The following ACVR2A variants were observed in gnomAD, a reference collection of about 807,000 sequenced individuals.
ACVR2A encodes activin A receptor type 2A.
ACVR2A carries 7 observed loss-of-function variants against 61.4 expected under a neutral mutation model. That is an observed-to-expected ratio of 0.11 (90% CI 0.06 to 0.21). The LOEUF (loss-of-function observed/expected upper bound fraction) is 0.21, where lower values mean the gene tolerates loss of function less well. ACVR2A is among the 10% of genes least tolerant of loss of function. The probability of loss-of-function intolerance (pLI) is 1.00; values close to 1 mark genes in which losing one functional copy is unlikely to be tolerated. For synonymous variants in ACVR2A, 193 were observed against 208.3 expected, an observed-to-expected ratio of 0.93 and a Z score of 0.63; for missense variants, 322 against 621.7, an observed-to-expected ratio of 0.52 and a Z score of 5.13.
intron 1 of ACVR2A, among the ~76,000 whole-genome samples, chr2:147,857,898 G>T (rs1044099222): frequency 1.3e-5 from 2 of 151,982 alleles, no homozygotes; most frequent in Non-Finnish European, 2.9e-5. Context: ...TGTGTCATGG[G>T]GGTTTGTTTT....
chr2:147,899,921 G>C (rs779048102), intron 4 of ACVR2A, 23 bp downstream of exon 4: 3 of 1,608,926 alleles, frequency 1.9e-6, no homozygotes, highest in South Asian at 2.2e-5. Flanking sequence ...CCTGTACTTT[G>C]TAGTGTTTTA....
At chr2:147,846,012 A>G (rs1204174702) in intron 1 of ACVR2A, among the ~76,000 whole-genome samples, 1 of 152,192 alleles carries the variant, frequency 6.6e-6, no homozygotes, top group Non-Finnish European at 1.5e-5. Flanking sequence ...TTTTAGCTCA[A>G]GGTTGGGGGA....
intron 4 of ACVR2A, among the ~76,000 whole-genome samples, chr2:147,904,125 A>G (rs373213305): frequency 1.3e-5 from 2 of 151,978 alleles, no homozygotes; most frequent in South Asian, 2.1e-4. Flanking sequence ...GAAGCATCCT[A>G]TCTGTTTTCG....
intron 10 of ACVR2A, 113 bp downstream of exon 10, chr2:147,926,274 T>G: frequency 7.5e-7 from 1 of 1,327,854 alleles, no homozygotes; most frequent in Non-Finnish European, 1.0e-6. Context: ...GAAGGTGATC[T>G]TCACACAGGA....
intron 1 of ACVR2A, among the ~76,000 whole-genome samples, chr2:147,883,902 A>G (rs1245925770): frequency 2.0e-5 from 3 of 152,070 alleles, no homozygotes; most frequent in Non-Finnish European, 4.4e-5. Flanking sequence ...GAAGTGATCC[A>G]TTTTTACTCT....
At chr2:147,885,045 C>T (rs1300286005) in intron 1 of ACVR2A, among the ~76,000 whole-genome samples, 1 of 152,054 alleles carries the variant, frequency 6.6e-6, no homozygotes, top group Admixed American at 6.6e-5. Context: ...TTCTGTGTCT[C>T]CTTAATAGCC....
intron 1 of ACVR2A, among the ~76,000 whole-genome samples, chr2:147,880,451 G>T (rs1686273365): frequency 6.6e-6 from 1 of 151,932 alleles, no homozygotes; most frequent in African/African-American, 2.4e-5. Context: ...TCTTTCCAGA[G>T]GTATTAACAT....
intron 5 of ACVR2A, 115 bp from the exon 6 acceptor site, chr2:147,917,168 A>T: frequency 8.5e-7 from 1 of 1,176,970 alleles, no homozygotes; most frequent in Non-Finnish European, 1.1e-6. Flanking sequence ...AAAATTTTTT[A>T]AGACTTTTTT....
At chr2:147,887,156 A>C (rs1489823638) in intron 1 of ACVR2A, among the ~76,000 whole-genome samples, 1 of 152,042 alleles carries the variant, frequency 6.6e-6, no homozygotes, top group Admixed American at 6.6e-5. Flanking sequence ...AGTCTACAGT[A>C]AGCTATGATT....
rs1187478240 is a variant in ACVR2A at position 147,899,803 on chromosome 2, G to A, written c.433G>A (p.Val145Met). 2 of 1,613,626 alleles carry A rather than the reference G, an allele frequency of 1.2e-6. No homozygotes were observed. Among genetic ancestry groups the A allele is most frequent in the Non-Finnish European group, 1.7e-6 (2 of 1,179,748 alleles). The change falls in exon 4 of 11, where the codon GTG (valine) becomes ATG (methionine). Residue 145 changes from valine to methionine, a missense_variant. By Grantham distance (21) the Val-to-Met change is conservative. Around this residue, in one of 3 missense-constraint regions of ACVR2A, gnomAD observed 142 missense variants for 200.3 expected, o/e 0.71. Coordinates refer to ENST00000241416, the MANE Select transcript of ACVR2A (RefSeq NM_001616.5). ...PYYNILLYSL[V>M]PLMLIAGIVI... ...TTACAACATCCTGCTCTATTCCTTG[G>A]TGCCACTTATGTTAATTGCGGGGAT...
intron 2 of ACVR2A, among the ~76,000 whole-genome samples, chr2:147,898,563 C>G (rs963070181): frequency 6.6e-6 from 1 of 152,016 alleles, no homozygotes; most frequent in South Asian, 2.1e-4. Context: ...CAGCTTTTCA[C>G]TTAAGAATTA....
intron 1 of ACVR2A, among the ~76,000 whole-genome samples, chr2:147,888,824 T>C (rs1011318311): frequency 6.6e-6 from 1 of 152,118 alleles, no homozygotes; most frequent in African/African-American, 2.4e-5. Context: ...AGTTACAACT[T>C]TCAGTACTGT....
chr2:147,903,120 A>C (rs1686909207), intron 4 of ACVR2A, among the ~76,000 whole-genome samples: 1 of 151,862 alleles, frequency 6.6e-6, no homozygotes, highest in South Asian at 2.1e-4. Flanking sequence ...TTTTGTTCTG[A>C]AGAAGTGATG....
chr2:147,867,023 G>A (rs1685873298), intron 1 of ACVR2A, among the ~76,000 whole-genome samples: 1 of 152,128 alleles, frequency 6.6e-6, no homozygotes, highest in African/African-American at 2.4e-5. Context: ...AAGGTAGAAG[G>A]AAAACAAGTA....
At chr2:147,919,777 C>G (rs13388113) in intron 7 of ACVR2A, among the ~76,000 whole-genome samples, 2,911 of 152,190 alleles carry the variant, frequency 0.019, 86 homozygotes, top group African/African-American at 0.067. Context: ...ATAAGAACCT[C>G]TATAATAAGG....
chr2:147,907,125 A>G (rs1687006694), intron 4 of ACVR2A, among the ~76,000 whole-genome samples: 4 of 151,982 alleles, frequency 2.6e-5, no homozygotes, highest in Admixed American at 2.6e-4. Flanking sequence ...TTTGCTGAGG[A>G]TTATGGCTTC....
At chr2:147,881,629 GTGTGTGTGTGTGTA>G (rs777138172) in intron 1 of ACVR2A, among the ~76,000 whole-genome samples, 1,533 of 121,854 alleles carry the variant, frequency 0.013, 58 homozygotes, top group Admixed American at 0.061. Flanking sequence ...GTGTGTGTGT[GTGTGTGTGTGTGTA>G]TGTGTGTGTG....
intron 8 of ACVR2A, among the ~76,000 whole-genome samples, chr2:147,922,258 G>A (rs563521676): frequency 3.9e-5 from 6 of 152,056 alleles, no homozygotes; most frequent in Non-Finnish European, 7.4e-5. Context: ...CCAACTTTTA[G>A]TCTAGAGTAG....
intron 4 of ACVR2A, among the ~76,000 whole-genome samples, chr2:147,906,559 A>C (rs1191709672): frequency 6.6e-6 from 1 of 152,326 alleles, no homozygotes; most frequent in South Asian, 2.1e-4. Context: ...GAGAGGAGCC[A>C]CATGTGGGTG....
Sources: gnomAD v4.1 joint callset for allele counts (sites outside exome capture counted in the v4.1 genomes callset) on GRCh38, gnomAD v4.1.1 for gene constraint, gnomAD v4.1.1 regional missense constraint, MANE v1.5 for transcripts, NCBI Gene and HGNC (gene_info 2026-07-23, HGNC 2026-07-21) for gene names.